The following EZH1 variants were observed in gnomAD, a reference collection of about 807,000 sequenced individuals.
EZH1 encodes enhancer of zeste 1 polycomb repressive complex 2 subunit, also known as histone-lysine N-methyltransferase EZH1.
In EZH1, 33 loss-of-function variants were observed where a neutral mutation model predicts 100.5. The observed-to-expected ratio is 0.33, with a 90% CI of 0.25 to 0.44. EZH1 has a LOEUF of 0.44. Among genes scored for constraint, EZH1 ranks in the 20% least tolerant of loss-of-function variants. The pLI is 1.00. For missense variants in EZH1, 475 were observed against 928.4 expected, an observed-to-expected ratio of 0.51 and a Z score of 6.35; for synonymous variants, 272 against 313.8, an observed-to-expected ratio of 0.87 and a Z score of 1.41.
Position 42,702,384 on chromosome 17 carries a change from A to G in EZH1, c.*148T>C, listed in dbSNP as rs762991567. 1 of 624,432 alleles carries G rather than the reference A, an allele frequency of 1.6e-6. No individual in the cohort carries two copies. Among genetic ancestry groups the G allele is most frequent in the Non-Finnish European group, 2.8e-6 (1 of 362,302 alleles). The allele number at this position is 624,432 out of a possible 1,614,324, so 38.7% of individuals were successfully genotyped here. Reference sequence around the variant, plus strand: ...ATTGAGACAGTTTTGTGCCCTCTGGACATGGCAGAGGCCTCACTACAGAGG... The same window carrying G: ...ATTGAGACAGTTTTGTGCCCTCTGGGCATGGCAGAGGCCTCACTACAGAGG... On this transcript the variant is annotated 3_prime_UTR_variant, in exon 21 of 21. Coordinates refer to ENST00000428826, the MANE Select transcript of EZH1 (RefSeq NM_001991.5).
Position 42,712,178 on chromosome 17 carries a change from A to C in EZH1, c.1401+111T>G, listed in dbSNP as rs1030515397. 7.5e-6 allele frequency: 9 copies of C among 1,196,206 alleles called. No homozygotes were observed. The Admixed American group carries it at 2.0e-4, about 27-fold the overall frequency. 74.1% of individuals were successfully genotyped at this position (1,196,206 alleles called of 1,614,324 possible). A position where few individuals can be genotyped will look rare whatever the true frequency, so the allele number is the denominator to read the frequency against. ...CACAGGCTCATCAGGGACTGAACTT[A>C]AGACAACTTCTCTCCAGACCCAGAC... On this transcript the variant is annotated intron_variant, in intron 12 of 20. Transcript: ENST00000428826.
chr17:42,714,148 T>A lies in EZH1; in HGVS notation c.1024-759A>T, dbSNP rs555634882. Among the ~76,000 whole-genome samples the A allele has an allele frequency of 1.1e-4, 17 of 152,282 alleles. No homozygotes were observed. The East Asian group carries it at 1.3e-3, about 12-fold the overall frequency. ...ATTTTACAGCTATCACCCCCTTTTT[T>A]AAAAAATGAAATAATTATCACTCAC... On this transcript the variant is annotated intron_variant, in intron 10 of 20. Transcript: ENST00000428826.
intron 1 of EZH1, among the ~76,000 whole-genome samples, chr17:42,731,529 A>C (rs1376780635): frequency 6.6e-6 from 1 of 152,138 alleles, no homozygotes; most frequent in Non-Finnish European, 1.5e-5. Context: ...CCACAAGATG[A>C]TGCTTTTACT....
intron 1 of EZH1, among the ~76,000 whole-genome samples, chr17:42,737,472 G>A (rs899412660): frequency 6.6e-6 from 1 of 152,094 alleles, no homozygotes; most frequent in Non-Finnish European, 1.5e-5. Flanking sequence ...GCATGGTGGC[G>A]TGTGCTTCTA....
rs2053782342 is a variant in EZH1 at position 42,724,664 on chromosome 17, T to TAATCCCAG, written c.247-248_247-241dup. On this transcript the variant is annotated intron_variant, in intron 4 of 20. Coordinates refer to ENST00000428826, the MANE Select transcript of EZH1 (RefSeq NM_001991.5). ...AGCTGAGCATGGTGGTACACACATG[T>TAATCCCAG]AATCCCAGCTACTTGGGAGACTGAG... The TAATCCCAG allele has an allele frequency of 1.5e-5, 5 of 343,882 alleles. No homozygotes were observed. The East Asian group carries it at 3.0e-4, about 21-fold the overall frequency. 21.3% of individuals were successfully genotyped at this position (343,882 alleles called of 1,614,324 possible).
At chr17:42,736,823 C>G (rs1356916670) in intron 1 of EZH1, among the ~76,000 whole-genome samples, 10 of 151,836 alleles carry the variant, frequency 6.6e-5, no homozygotes, top group Admixed American at 6.6e-4. Context: ...TGCACTCCAG[C>G]CTGGGGAACA....
chr17:42,718,401 G>A lies in EZH1; in HGVS notation c.931+53C>T. ...AAACCAGAACAAAGAGAAGGAAATG[G>A]TGGCTGGGGATGGAAGAGAGGAGAG... On this transcript the variant is annotated intron_variant, in intron 9 of 20. Transcript: ENST00000428826. This position sits in a 1 kb window ranked among gnomAD's most constrained non-coding sequence, Gnocchi z 4.2. The A allele has an allele frequency of 3.8e-6, 6 of 1,599,940 alleles. No homozygotes were observed. The South Asian group carries it at 6.6e-5, about 18-fold the overall frequency.
chr17:42,718,598 T>G lies in EZH1; in HGVS notation c.787A>C (p.Met263Leu). Residue 263 changes from methionine to leucine, a missense_variant, in exon 9 of 21, where the codon ATG (methionine) becomes CTG (leucine). This residue lies in a region of EZH1 where 180 missense variants were observed against 295.3 expected (regional missense o/e 0.61). Transcript: ENST00000428826. The surrounding 1 kb of genome is among the most constrained non-coding windows in gnomAD (Gnocchi z 4.2). ...MKERYRELTE[M>L]SDPNALPPQC... Reference sequence around the variant, plus strand: ...GGGGGAAGTGCATTGGGGTCTGACATCTCTGTTAGTTCTCGATACCTATTT... The same window carrying G: ...GGGGGAAGTGCATTGGGGTCTGACAGCTCTGTTAGTTCTCGATACCTATTT... The G allele has an allele frequency of 6.2e-7, 1 of 1,614,158 alleles. No individual in the cohort carries two copies. The highest frequency in any genetic ancestry group is 8.5e-7 in the Non-Finnish European group (1 of 1,180,018).
chr17:42,718,059 C>A lies in EZH1; in HGVS notation c.940G>T (p.Ala314Ser). The A allele has an allele frequency of 6.2e-7, 1 of 1,614,022 alleles. No individual in the cohort carries two copies. The highest frequency in any genetic ancestry group is 8.5e-7 in the Non-Finnish European group (1 of 1,179,954). Residue 314 changes from alanine to serine, a missense_variant, in exon 10 of 21, where the codon GCC becomes TCC. This residue lies in a region of EZH1 where 180 missense variants were observed against 295.3 expected (regional missense o/e 0.61). Coordinates refer to ENST00000428826, the MANE Select transcript of EZH1 (RefSeq NM_001991.5). The surrounding 1 kb of genome is among the most constrained non-coding windows in gnomAD (Gnocchi z 4.2). ...KYDCFLHPFHATPNVYKRKNK... is the reference protein window; with the variant it reads ...KYDCFLHPFHSTPNVYKRKNK... ...TTGCGTTTATATACATTAGGGGTGG[C>A]ATGAAAAGCTGGAAAACAAAAACTG...
chr17:42,737,013 T>C (rs969934395), intron 1 of EZH1, among the ~76,000 whole-genome samples: 2 of 147,154 alleles, frequency 1.4e-5, no homozygotes, highest in Admixed American at 1.4e-4. Context: ...TGAGACAGAG[T>C]CTCGCTCTGT....
In EZH1 at chr17:42,701,963, C is replaced by T. The variant is rs1392428950; in HGVS notation, c.*569G>A. 1 of 152,426 alleles carries T rather than the reference C, an allele frequency of 6.6e-6. No homozygotes were observed. Among genetic ancestry groups the T allele is most frequent in the East Asian group, 1.9e-4 (1 of 5,332 alleles). The allele number at this position is 152,426 out of a possible 1,614,324, so 9.4% of individuals were successfully genotyped here. A position where few individuals can be genotyped will look rare whatever the true frequency, so the allele number is the denominator to read the frequency against. ...GAACCCACACTCTTTCAGTTTGAGC[C>T]CTGCCACGAGGGAGGAGGTAGTAAG... On this transcript the variant is annotated 3_prime_UTR_variant, in exon 21 of 21. Coordinates refer to ENST00000428826, the MANE Select transcript of EZH1 (RefSeq NM_001991.5).
chr17:42,702,653 G>A (rs974771351), intron 20 of EZH1, 61 bp from the exon 21 acceptor site: 55 of 1,502,916 alleles, frequency 3.7e-5, no homozygotes, highest in African/African-American at 8.3e-5. Context: ...TTGAAAAGGC[G>A]GAGTCCCCTC....
intron 6 of EZH1, among the ~76,000 whole-genome samples, chr17:42,722,422 C>G (rs1172929033): frequency 6.6e-6 from 1 of 151,572 alleles, no homozygotes; most frequent in Non-Finnish European, 1.5e-5. Flanking sequence ...GTCAGGAATT[C>G]GAGACCAGCC....
In EZH1 at chr17:42,702,515, C is replaced by T. The variant is rs111425700; in HGVS notation, c.*17G>A. 11 of 1,334,906 alleles carry T rather than the reference C, an allele frequency of 8.2e-6. No homozygotes were observed. The highest frequency in any genetic ancestry group is 1.7e-5 in the African/African-American group (1 of 58,690). The allele number at this position is 1,334,906 out of a possible 1,614,324, so 82.7% of individuals were successfully genotyped here. ...ACAGTGCCGCTACCATAAGTGCTGC[C>T]GTGGGGCCTGGGAGGGCTAAAGGAC... On this transcript the variant is annotated 3_prime_UTR_variant, in exon 21 of 21. Transcript: ENST00000428826.
chr17:42,714,584 G>T, intron 10 of EZH1: 1 of 318,060 alleles, frequency 3.1e-6, no homozygotes, highest in South Asian at 3.2e-5. Flanking sequence ...GCTTTCCTTA[G>T]CAAGCAGCAG....
chr17:42,741,104 G>C (rs776082002), intron 1 of EZH1, among the ~76,000 whole-genome samples: 1 of 152,082 alleles, frequency 6.6e-6, no homozygotes, highest in Non-Finnish European at 1.5e-5. Context: ...TCCACAAATT[G>C]TTTTCTCTTT....
chr17:42,706,287 G>A lies in EZH1; in HGVS notation c.1661-102C>T, dbSNP rs2053352444. On this transcript the variant is annotated intron_variant, in intron 15 of 20. Transcript: ENST00000428826. The surrounding 1 kb of genome is among the most constrained non-coding windows in gnomAD (Gnocchi z 4.4). ...AAAGAAGTAAATTTTTTGTGTTCAA[G>A]GATGTTTGGCAAAATAAGAGGAAGC... 3 of 1,121,496 alleles carry A rather than the reference G, an allele frequency of 2.7e-6. No individual in the cohort carries two copies. The highest frequency in any genetic ancestry group is 3.1e-5 in the African/African-American group (2 of 63,646). 69.5% of individuals were successfully genotyped at this position (1,121,496 alleles called of 1,614,324 possible).
chr17:42,727,525 G>A, intron 4 of EZH1, 110 bp downstream of exon 4: 1 of 1,318,082 alleles, frequency 7.6e-7, no homozygotes, highest in Admixed American at 2.3e-5. Context: ...ATACTTGTGT[G>A]AGCCACCATA....
At chr17:42,704,910 A>C (rs777164366) in intron 17 of EZH1, among the ~76,000 whole-genome samples, 178 bp downstream of exon 17, 25 of 152,216 alleles carry the variant, frequency 1.6e-4, no homozygotes, top group Non-Finnish European at 3.4e-4. Flanking sequence ...GGAGTTGCCA[A>C]AGAGTTGAAC....
Sources: allele counts gnomAD v4.1 joint callset (sites outside exome capture counted in the v4.1 genomes callset), GRCh38; gene constraint gnomAD v4.1.1; regional missense constraint gnomAD v4.1.1; non-coding constraint Gnocchi (gnomAD v3.1); transcripts MANE v1.5; gene names NCBI Gene and HGNC (gene_info 2026-07-23, HGNC 2026-07-21).